ZNF655: variants seen among roughly 807,000 people sequenced by gnomAD.
ZNF655 encodes zinc finger protein 655.
Under a neutral mutation model 6.6 loss-of-function variants are expected in ZNF655, and 3 were observed. The ratio of observed to expected loss-of-function variants is 0.46; its 90% confidence interval spans 0.21 to 1.18. ZNF655 has a LOEUF of 1.18. Among genes scored for constraint, ZNF655 ranks in the 50% most tolerant of loss-of-function variants. The pLI, the probability that ZNF655 is intolerant of heterozygous loss-of-function variation, is 0.24. For missense variants in ZNF655, 526 were observed against 572.3 expected (o/e 0.92, Z 0.83); for synonymous variants, 178 against 195.0 (o/e 0.91, Z 0.73).
intron 2 of ZNF655, chr7:99,571,529 T>C: frequency 9.6e-7 from 1 of 1,044,284 alleles, no homozygotes; most frequent in Non-Finnish European, 1.3e-6. Flanking sequence ...AAATCTGAGC[T>C]CCTTGTAGAT....
chr7:99,564,114 A>C, intron 2 of ZNF655: 7 of 1,527,496 alleles, frequency 4.6e-6, no homozygotes, highest in Non-Finnish European at 5.3e-6. Flanking sequence ...CCACTGTGTA[A>C]AATCGCAGCT....
chr7:99,575,831 C>T lies in ZNF655; in HGVS notation c.*2247C>T, dbSNP rs1402359787. On this transcript the variant is annotated 3_prime_UTR_variant, in exon 3 of 3. Coordinates refer to ENST00000252713, the MANE Select transcript of ZNF655 (RefSeq NM_138494.3). ...CACATTTTTGTATTTTAATAGTCTA[C>T]AGGCTATATAAAAGAACATGGCTTT... 2 of 152,166 alleles carry T rather than the reference C, an allele frequency of 1.3e-5. No individual in the cohort carries two copies. The highest frequency in any genetic ancestry group is 4.8e-5 in the African/African-American group (2 of 41,448). The allele number at this position is 152,166 out of a possible 1,614,324, so 9.4% of individuals were successfully genotyped here.
chr7:99,564,687 CAG>C, intron 2 of ZNF655: 4 of 985,070 alleles, frequency 4.1e-6, no homozygotes, highest in Non-Finnish European at 4.8e-6. Context: ...CTAATAATTA[CAG>C]AGTTTCCAAC....
At chr7:99,568,888 G>A (rs540732876) in intron 2 of ZNF655, among the ~76,000 whole-genome samples, 1 of 152,202 alleles carries the variant, frequency 6.6e-6, no homozygotes, top group Non-Finnish European at 1.5e-5. Flanking sequence ...GAGCTCAAGC[G>A]ATCATTCTGC....
chr7:99,563,274 T>C, intron 2 of ZNF655: 1 of 303,430 alleles, frequency 3.3e-6, no homozygotes, highest in Non-Finnish European at 6.5e-6. Context: ...GGTGTGAGCA[T>C]TGTTCCTTTT....
At chr7:99,562,055 C>G (rs915316095) in intron 2 of ZNF655, 1 of 1,270,358 alleles carries the variant, frequency 7.9e-7, no homozygotes. Flanking sequence ...CATCTGTAGA[C>G]CTTGCCTGGA....
intron 2 of ZNF655, among the ~76,000 whole-genome samples, chr7:99,565,375 T>C (rs1049521380): frequency 1.3e-5 from 2 of 152,160 alleles, no homozygotes; most frequent in Admixed American, 6.5e-5. Flanking sequence ...TTTGCCATCT[T>C]AGCCAGGATG....
Position 99,573,352 on chromosome 7 carries a change from A to G in ZNF655, c.1244A>G (p.Lys415Arg), listed in dbSNP as rs759293861. The stretch of plus-strand genomic sequence containing the variant: ...GCACATGAATGTAATGAATGTGGAA[A>G]AGCTTTCAGTCAAACCTCATGCCTT... ...EKAHECNECGKAFSQTSCLIQ... is the reference protein window; with the variant it reads ...EKAHECNECGRAFSQTSCLIQ... Residue 415 changes from lysine to arginine, a missense_variant, in exon 3 of 3, where the codon AAA (lysine) becomes AGA (arginine). Lys to Arg is a conservative substitution (Grantham distance 26, BLOSUM62 2). Transcript: ENST00000252713. The G allele has an allele frequency of 1.2e-6, 2 of 1,614,188 alleles. No individual in the cohort carries two copies. The highest frequency in any genetic ancestry group is 1.3e-5 in the African/African-American group (1 of 75,054).
intron 2 of ZNF655, among the ~76,000 whole-genome samples, chr7:99,566,513 A>G (rs1803644963): frequency 6.6e-6 from 1 of 152,266 alleles, no homozygotes; most frequent in East Asian, 1.9e-4. Context: ...TCAGATGGCT[A>G]AAAGCATAGC....
At chr7:99,560,841 ACT>A (rs1191904255) in intron 2 of ZNF655, 146 bp downstream of exon 2, 5 of 985,792 alleles carry the variant, frequency 5.1e-6, no homozygotes, top group Non-Finnish European at 7.4e-6. Flanking sequence ...GGCAGATGTG[ACT>A]CAGTTCAGTC....
chr7:99,570,450 T>C (rs1281824865), intron 2 of ZNF655: 1 of 152,208 alleles, frequency 6.6e-6, no homozygotes, highest in African/African-American at 2.4e-5. Context: ...ATGGAATCTT[T>C]GGGGCAGCTG....
In ZNF655 at chr7:99,560,476, T is replaced by C. The variant is rs1025533557; in HGVS notation, c.-27-57T>C. 23 of 1,522,514 alleles carry C rather than the reference T, an allele frequency of 1.5e-5. No homozygotes were observed. The African/African-American group carries it at 2.9e-4, about 19-fold the overall frequency. 94.3% of individuals were successfully genotyped at this position (1,522,514 alleles called of 1,614,324 possible). A position where few individuals can be genotyped will look rare whatever the true frequency, so the allele number is the denominator to read the frequency against. On this transcript the variant is annotated intron_variant, in intron 1 of 2. Transcript: ENST00000252713. ...GATCCTTTGCAAAGTCCTGACGATA[T>C]AAAATGATGAAATGCTTTAACTTAT... is the stretch of plus-strand genomic sequence containing the variant.
At chr7:99,569,012 T>A (rs957846189) in intron 2 of ZNF655, among the ~76,000 whole-genome samples, 1 of 152,148 alleles carries the variant, frequency 6.6e-6, no homozygotes, top group Non-Finnish European at 1.5e-5. Flanking sequence ...CTCAGACTCT[T>A]GGGCTGAAGT....
At chr7:99,564,708 T>A (rs1381254788) in intron 2 of ZNF655, 2 of 985,096 alleles carry the variant, frequency 2.0e-6, no homozygotes, top group African/African-American at 1.7e-5. Flanking sequence ...ACAGTTAACC[T>A]GTCTACTTTT....
rs150628626 is a variant in ZNF655, at chr7:99,571,591, G to A, written c.137-654G>A. 9.2e-5 allele frequency: 98 copies of A among 1,063,346 alleles called. 1 individual carries two copies. The highest frequency in any genetic ancestry group is 2.6e-5 in the Admixed American group (1 of 38,214). The allele number at this position is 1,063,346 out of a possible 1,614,324, so 65.9% of individuals were successfully genotyped here. On this transcript the variant is annotated intron_variant, in intron 2 of 2. Transcript: ENST00000252713. ...TCCTAATTAATGTCTTCTCAGAATC[G>A]ACCTTCTGTCTCTCTTAATCATTAG...
In ZNF655 at chr7:99,572,832, T is replaced by C. The variant is rs760557024; in HGVS notation, c.724T>C (p.Cys242Arg). ...RIHTREKPYK[C>R]KECEKSFSQS... ...CCATACTAGAGAGAAGCCCTACAAA[T>C]GTAAAGAATGTGAAAAGTCTTTCAG... Residue 242 changes from cysteine to arginine, a missense_variant, in exon 3 of 3, where the codon TGT becomes CGT. By Grantham distance (180) the Cys-to-Arg change is radical. Transcript: ENST00000252713. The C allele has an allele frequency of 1.9e-6, 3 of 1,614,024 alleles. No individual in the cohort carries two copies. Among genetic ancestry groups the C allele is most frequent in the Non-Finnish European group, 2.5e-6 (3 of 1,180,000 alleles).
intron 1 of ZNF655, 139 bp downstream of exon 1, chr7:99,558,926 G>A (rs764671621): frequency 4.6e-5 from 7 of 152,320 alleles, no homozygotes; most frequent in Non-Finnish European, 8.8e-5. Flanking sequence ...CGGGTGCGAG[G>A]AGGGCCTGTT....
intron 2 of ZNF655, chr7:99,562,405 C>G: frequency 6.2e-7 from 1 of 1,614,154 alleles, no homozygotes; most frequent in Non-Finnish European, 8.5e-7. Context: ...GTGCACCTTA[C>G]TCGAGAGGAA....
chr7:99,560,754 G>C, intron 2 of ZNF655, 59 bp downstream of exon 2: 1 of 1,585,774 alleles, frequency 6.3e-7, no homozygotes, highest in Non-Finnish European at 8.6e-7. Context: ...GCTCCCGAGG[G>C]GGCTCCTGGG....
Sources: gnomAD v4.1 joint callset for allele counts (sites outside exome capture counted in the v4.1 genomes callset) on GRCh38, gnomAD v4.1.1 for gene constraint, MANE v1.5 for transcripts, NCBI Gene and HGNC (gene_info 2026-07-23, HGNC 2026-07-21) for gene names.